Variants in CNTN4 observed in about 807,000 individuals in gnomAD.
CNTN4 encodes contactin-4.
A neutral mutation model predicts 122.5 loss-of-function variants in CNTN4; 77 were observed. The observed-to-expected ratio is 0.63, with a 90% confidence interval of 0.52 to 0.76. CNTN4 has a LOEUF of 0.76. Ranked by LOEUF, CNTN4 falls within the 30% of genes least tolerant of loss-of-function variation. The pLI is 0.00. For synonymous variants in CNTN4, 512 were observed against 447.0 expected (o/e 1.15, Z -1.83); for missense variants, 1,256 against 1,259.1 (o/e 1.00, Z 0.04).
At chr3:2,182,878 T>C (rs942473334) in intron 2 of CNTN4, among the ~76,000 whole-genome samples, 2 of 152,016 alleles carry the variant, frequency 1.3e-5, no homozygotes, top group Admixed American at 6.6e-5. Flanking sequence ...AAAATGACTG[T>C]TCCTAACAGC....
intron 8 of CNTN4, among the ~76,000 whole-genome samples, chr3:2,874,300 G>C (rs967362510): frequency 1.2e-4 from 19 of 152,144 alleles, no homozygotes; most frequent in African/African-American, 4.1e-4. Flanking sequence ...TCAGCCTGTG[G>C]GAACCTACAG....
chr3:2,176,422 A>G (rs939055780), intron 2 of CNTN4, among the ~76,000 whole-genome samples: 8 of 152,160 alleles, frequency 5.3e-5, no homozygotes, highest in African/African-American at 1.9e-4. Flanking sequence ...TAATAGTAGA[A>G]ATATGTATAT....
At chr3:2,421,338 T>G (rs2047611029) in intron 3 of CNTN4, among the ~76,000 whole-genome samples, 1 of 151,066 alleles carries the variant, frequency 6.6e-6, no homozygotes, top group South Asian at 2.1e-4. Flanking sequence ...GTGCAACCTC[T>G]ACTCACGGGT....
intron 2 of CNTN4, among the ~76,000 whole-genome samples, chr3:2,134,887 C>T (rs565654994): frequency 6.6e-6 from 1 of 152,178 alleles, no homozygotes; most frequent in Non-Finnish European, 1.5e-5. Context: ...GGGCAATCTG[C>T]TTTACTTAGT....
intron 3 of CNTN4, among the ~76,000 whole-genome samples, chr3:2,418,983 G>C (rs1374394135): frequency 6.6e-6 from 1 of 152,094 alleles, no homozygotes; most frequent in Non-Finnish European, 1.5e-5. Flanking sequence ...AAAAGATAAA[G>C]GCCTTCCTCA....
intron 7 of CNTN4, among the ~76,000 whole-genome samples, chr3:2,856,628 CTG>C (rs2093621287): frequency 6.6e-6 from 1 of 152,222 alleles, no homozygotes; most frequent in African/African-American, 2.4e-5. Flanking sequence ...AGCCCTCCCA[CTG>C]TGTCTTCTCT....
intron 3 of CNTN4, among the ~76,000 whole-genome samples, chr3:2,441,643 G>C (rs2048443583): frequency 6.6e-6 from 1 of 152,140 alleles, no homozygotes; most frequent in African/African-American, 2.4e-5. Context: ...AGATTTGCAG[G>C]TGCAGAGAGA....
At chr3:2,638,274 C>A (rs953195797) in intron 4 of CNTN4, among the ~76,000 whole-genome samples, 1 of 152,136 alleles carries the variant, frequency 6.6e-6, no homozygotes, top group Non-Finnish European at 1.5e-5. Flanking sequence ...TAGCCTTTCT[C>A]TGTTTCCAGC....
At chr3:2,247,875 T>C (rs2040216060) in intron 2 of CNTN4, among the ~76,000 whole-genome samples, 2 of 152,022 alleles carry the variant, frequency 1.3e-5, no homozygotes, top group African/African-American at 4.8e-5. Context: ...TTAAATTTTC[T>C]CTACAATTCT....
chr3:2,441,446 GA>G, intron 3 of CNTN4, among the ~76,000 whole-genome samples: 1 of 152,248 alleles, frequency 6.6e-6, no homozygotes, highest in Admixed American at 6.5e-5. Context: ...ATCTGTCCCC[GA>G]AAGAGACTCT....
At chr3:2,283,649 A>G (rs1178286449) in intron 2 of CNTN4, among the ~76,000 whole-genome samples, 1 of 152,132 alleles carries the variant, frequency 6.6e-6, no homozygotes, top group Non-Finnish European at 1.5e-5. Context: ...TAGTGTGGAT[A>G]ATGAGGGAAC....
chr3:2,437,775 T>A (rs2151257255), intron 3 of CNTN4, among the ~76,000 whole-genome samples: 1 of 152,290 alleles, frequency 6.6e-6, no homozygotes, highest in Non-Finnish European at 1.5e-5. Context: ...TAATCGCCAA[T>A]ATCTTTGAAG....
At chr3:2,818,899 G>A (rs1043351086) in intron 6 of CNTN4, among the ~76,000 whole-genome samples, 1 of 152,176 alleles carries the variant, frequency 6.6e-6, no homozygotes, top group African/African-American at 2.4e-5. Context: ...ATATAGAGTT[G>A]TGTTTGTATA....
At chr3:2,875,214 C>T (rs552209300) in intron 8 of CNTN4, among the ~76,000 whole-genome samples, 15 of 152,244 alleles carry the variant, frequency 9.9e-5, no homozygotes, top group Admixed American at 2.0e-4. Context: ...AACTTCTGAC[C>T]TCAAGTGATC....
chr3:2,811,075 C>G (rs1312874308), intron 6 of CNTN4, among the ~76,000 whole-genome samples: 2 of 151,308 alleles, frequency 1.3e-5, no homozygotes, highest in Non-Finnish European at 2.9e-5. Flanking sequence ...TCATTTGTAT[C>G]TCAAGGGTAC....
intron 13 of CNTN4, among the ~76,000 whole-genome samples, chr3:2,937,901 G>T (rs1399596581): frequency 1.3e-5 from 2 of 152,168 alleles, no homozygotes; most frequent in African/African-American, 4.8e-5. Context: ...AGCAAGTCAT[G>T]TACAAGAAAT....
At chr3:2,221,624 GA>G (rs995980288) in intron 2 of CNTN4, among the ~76,000 whole-genome samples, 4 of 151,904 alleles carry the variant, frequency 2.6e-5, no homozygotes, top group Non-Finnish European at 5.9e-5. Flanking sequence ...AGGAGGTGGA[GA>G]AAATACTTTT....
chr3:2,626,286 G>C (rs1468854998), intron 4 of CNTN4, among the ~76,000 whole-genome samples: 1 of 152,050 alleles, frequency 6.6e-6, no homozygotes, highest in African/African-American at 2.4e-5. Context: ...GAGGTCAGGA[G>C]ATCGAGACCA....
chr3:2,411,356 C>A (rs988477115), intron 3 of CNTN4, among the ~76,000 whole-genome samples: 3 of 152,112 alleles, frequency 2.0e-5, no homozygotes, highest in African/African-American at 7.2e-5. Context: ...AGAAGAAAAA[C>A]TGATATGCAT....
Sources: gnomAD v4.1 joint callset for allele counts (sites outside exome capture counted in the v4.1 genomes callset) on GRCh38, gnomAD v4.1.1 for gene constraint, MANE v1.5 for transcripts, NCBI Gene and HGNC (gene_info 2026-07-23, HGNC 2026-07-21) for gene names.